The following TSHZ1 variants were observed in gnomAD, a reference collection of about 807,000 sequenced individuals.
TSHZ1 encodes teashirt zinc finger homeobox 1.
In TSHZ1, 12 loss-of-function variants were observed where a neutral mutation model predicts 67.1. That is an observed-to-expected ratio of 0.18 (90% CI 0.11 to 0.29). The LOEUF (loss-of-function observed/expected upper bound fraction) is 0.29, where lower values mean the gene tolerates loss of function less well. TSHZ1 is among the 10% of genes least tolerant of loss of function. TSHZ1 has a pLI of 1.00. For missense variants in TSHZ1, 1,305 were observed against 1,413.9 expected (o/e 0.92, Z 1.23); for synonymous variants, 632 against 622.4 (o/e 1.02, Z -0.23).
rs143712115 is a variant in TSHZ1, at chr18:75,286,688, G to A, written c.1281G>A (p.Thr427=). The A allele has an allele frequency of 6.0e-5, 97 of 1,613,952 alleles. No individual in the cohort carries two copies. Among genetic ancestry groups the A allele is most frequent in the Middle Eastern group, 1.6e-4 (1 of 6,084 alleles). The change falls in exon 2 of 2, where the codon ACG becomes ACA. Residue 427 remains threonine (T), a synonymous_variant. Transcript: ENST00000580243. The surrounding 1 kb of genome is among the most constrained non-coding windows in gnomAD (Gnocchi z 5.1). ...KCMECGSSHD[T]LQQLTAHMMV... ...TGGAGTGTGGCAGCTCCCACGACAC[G>A]CTGCAGCAGCTCACCGCCCACATGA...
At chr18:75,222,902 C>G (rs892423053) in intron 1 of TSHZ1, among the ~76,000 whole-genome samples, 1 of 152,142 alleles carries the variant, frequency 6.6e-6, no homozygotes, top group African/African-American at 2.4e-5. Context: ...CTGGCCTATT[C>G]CCAAAGGGTC....
Position 75,286,868 on chromosome 18 carries a change from C to A in TSHZ1, c.1461C>A (p.Pro487=), listed in dbSNP as rs750456976. 1.2e-6 allele frequency: 2 copies of A among 1,614,080 alleles called. No homozygotes were observed. The highest frequency in any genetic ancestry group is 1.7e-6 in the Non-Finnish European group (2 of 1,180,034). The change falls in exon 2 of 2, where the codon CCC becomes CCA. Residue 487 remains proline (P), a synonymous_variant. Transcript: ENST00000580243. The surrounding 1 kb of genome is among the most constrained non-coding windows in gnomAD (Gnocchi z 5.1). ...RLPASSIKKQ[P]DSPAGSTTSE... ...CGGCCTCCAGCATCAAAAAGCAGCC[C>A]GACTCTCCCGCGGGGTCCACGACTT... is the stretch of plus-strand genomic sequence containing the variant.
chr18:75,286,187 A>C lies in TSHZ1; in HGVS notation c.780A>C (p.Glu260Asp). The change falls in exon 2 of 2, where the codon GAA becomes GAC. Residue 260 changes from glutamate to aspartate, a missense_variant. Glu to Asp is a conservative substitution (Grantham distance 45, BLOSUM62 2). Around this residue, in one of 3 missense-constraint regions of TSHZ1, gnomAD observed 358 missense variants for 375.6 expected, o/e 0.95. Coordinates refer to ENST00000580243, the MANE Select transcript of TSHZ1 (RefSeq NM_001308210.2). The surrounding 1 kb of genome is among the most constrained non-coding windows in gnomAD (Gnocchi z 5.1). ...DCSAAYDTLV[E>D]LTVHMNETGH... ...GTGCCGCGTACGACACGCTGGTGGA[A>C]CTGACGGTGCACATGAACGAGACAG... 5 of 1,614,110 alleles carry C rather than the reference A, an allele frequency of 3.1e-6. No homozygotes were observed. Among genetic ancestry groups the C allele is most frequent in the Admixed American group, 3.3e-5 (2 of 60,026 alleles).
At chr18:75,238,288 C>G (rs187478334) in intron 1 of TSHZ1, among the ~76,000 whole-genome samples, 181 of 152,346 alleles carry the variant, frequency 1.2e-3, no homozygotes, top group African/African-American at 4.1e-3. Context: ...CACCCTCTAA[C>G]TGCCACGGGC....
intron 1 of TSHZ1, among the ~76,000 whole-genome samples, chr18:75,212,337 A>G (rs73971562): frequency 0.022 from 3,309 of 152,150 alleles, 104 homozygotes; most frequent in African/African-American, 0.073. Context: ...CTGGGACGCA[A>G]AGAATGTGTT....
chr18:75,268,684 C>T (rs991103696), intron 1 of TSHZ1, among the ~76,000 whole-genome samples: 8 of 152,188 alleles, frequency 5.3e-5, no homozygotes, highest in Non-Finnish European at 8.8e-5. Flanking sequence ...AAAAAATCAG[C>T]GAGCAAACCA....
chr18:75,251,355 G>GTT lies in TSHZ1; in HGVS notation c.41-34084_41-34083dup, dbSNP rs907801984. Among the ~76,000 whole-genome samples the GTT allele has an allele frequency of 1.5e-4, 22 of 150,334 alleles. 1 individual carries two copies. The highest frequency in any genetic ancestry group is 5.4e-4 in the African/African-American group (22 of 41,006). ...TTCTTTCAGGGTCTTTTTCTTTCTT[G>GTT]TTTTTTTTTTGCTCTACAGATATTT... On this transcript the variant is annotated intron_variant, in intron 1 of 1. Transcript: ENST00000580243.
intron 1 of TSHZ1, among the ~76,000 whole-genome samples, chr18:75,227,210 C>T (rs550325465): frequency 7.0e-4 from 106 of 151,964 alleles, no homozygotes; most frequent in African/African-American, 2.3e-3. Flanking sequence ...CCCACTCCTG[C>T]GGCAGAAGTT....
At chr18:75,263,870 C>T (rs1050416695) in intron 1 of TSHZ1, among the ~76,000 whole-genome samples, 1 of 152,192 alleles carries the variant, frequency 6.6e-6, no homozygotes, top group African/African-American at 2.4e-5. Context: ...AGGAAAGAAG[C>T]AACTGTTGAT....
chr18:75,267,003 G>A (rs540626896), intron 1 of TSHZ1, among the ~76,000 whole-genome samples: 9 of 152,222 alleles, frequency 5.9e-5, no homozygotes, highest in African/African-American at 1.9e-4. Flanking sequence ...ACAATTAAGA[G>A]CATTTTCAAA....
intron 1 of TSHZ1, among the ~76,000 whole-genome samples, chr18:75,223,000 G>T (rs187633489): frequency 5.3e-4 from 81 of 152,302 alleles, no homozygotes; most frequent in African/African-American, 1.9e-3. Flanking sequence ...CCGTTCATTT[G>T]TTCTGTAGAG....
At position 75,287,619 on chromosome 18, in the gene TSHZ1, C is replaced by T. The variant is rs754700199; in HGVS notation, c.2212C>T (p.Pro738Ser). 3.5e-5 allele frequency: 56 copies of T among 1,614,058 alleles called. No individual in the cohort carries two copies. In the South Asian group the frequency reaches 5.9e-4, roughly 17 times the overall value. ...NNLGIIMDHS[P>S]EPSFINPLSA... ...CCTGGGGATCATCATGGACCACTCA[C>T]CGGAGCCTTCCTTCATCAACCCGCT... The change falls in exon 2 of 2, where the codon CCG becomes TCG. Residue 738 changes from proline (P) to serine (S), a missense_variant. By Grantham distance (74) the Pro-to-Ser change is moderately conservative. Around this residue, in one of 3 missense-constraint regions of TSHZ1, gnomAD observed 909 missense variants for 961.8 expected, o/e 0.95. Coordinates refer to ENST00000580243, the MANE Select transcript of TSHZ1 (RefSeq NM_001308210.2). This position sits in a 1 kb window ranked among gnomAD's most constrained non-coding sequence, Gnocchi z 5.0.
Position 75,281,318 on chromosome 18 carries a change from C to T in TSHZ1, c.41-4130C>T, listed in dbSNP as rs367597018. ...ACTCTCGTTTGGGGTTATTCGGTAACGTCTGAATCTGGAGATTCAGAAGGA... is the reference window on the plus strand; with the variant it reads ...ACTCTCGTTTGGGGTTATTCGGTAATGTCTGAATCTGGAGATTCAGAAGGA... On this transcript the variant is annotated intron_variant, in intron 1 of 1. Coordinates refer to ENST00000580243, the MANE Select transcript of TSHZ1 (RefSeq NM_001308210.2). The surrounding 1 kb of genome is among the most constrained non-coding windows in gnomAD (Gnocchi z 5.3). 2.0e-5 allele frequency among the ~76,000 whole-genome samples: 3 copies of T among 152,264 alleles called. No homozygotes were observed. The highest frequency in any genetic ancestry group is 1.9e-4 in the East Asian group (1 of 5,170).
chr18:75,225,742 G>A (rs1370545179), intron 1 of TSHZ1, among the ~76,000 whole-genome samples: 2 of 152,210 alleles, frequency 1.3e-5, no homozygotes, highest in South Asian at 2.1e-4. Context: ...ACTATATCTC[G>A]GTGGCGGGTT....
chr18:75,216,123 AGGG>A (rs1188854671), intron 1 of TSHZ1, among the ~76,000 whole-genome samples: 1 of 152,196 alleles, frequency 6.6e-6, no homozygotes, highest in Admixed American at 6.5e-5. Context: ...TTATTCATAC[AGGG>A]GGATGAAAAT....
At chr18:75,258,166 C>T (rs113069549) in intron 1 of TSHZ1, among the ~76,000 whole-genome samples, 38 of 152,308 alleles carry the variant, frequency 2.5e-4, no homozygotes, top group African/African-American at 8.9e-4. Flanking sequence ...TACAGGGACC[C>T]TTCCTCTGTG....
In TSHZ1 at chr18:75,286,790, G is replaced by A. The variant is rs1260864097; in HGVS notation, c.1383G>A (p.Val461=). 1.2e-6 allele frequency: 2 copies of A among 1,613,546 alleles called. No homozygotes were observed. The highest frequency in any genetic ancestry group is 8.5e-7 in the Non-Finnish European group (1 of 1,180,030). The change falls in exon 2 of 2, where the codon GTG becomes GTA. Residue 461 remains valine, a synonymous_variant. Coordinates refer to ENST00000580243, the MANE Select transcript of TSHZ1 (RefSeq NM_001308210.2). This position sits in a 1 kb window ranked among gnomAD's most constrained non-coding sequence, Gnocchi z 5.1. The part of the protein sequence containing the change: ...KGKQLVLDPV[V]EEKIQSIPLP... ...AGCAGTTGGTGCTGGACCCTGTGGT[G>A]GAAGAGAAGATCCAGTCCATCCCAC... is the stretch of plus-strand genomic sequence containing the variant.
rs150517197 is a variant in TSHZ1 at position 75,287,956 on chromosome 18, G to A, written c.2549G>A (p.Arg850His). Residue 850 changes from arginine to histidine, a missense_variant, in exon 2 of 2, where the codon CGC (arginine) becomes CAC (histidine). Coordinates refer to ENST00000580243, the MANE Select transcript of TSHZ1 (RefSeq NM_001308210.2). The surrounding 1 kb of genome is among the most constrained non-coding windows in gnomAD (Gnocchi z 5.0). ...ISDMVKNLTGRLTPKSSTPST... is the reference protein window; with the variant it reads ...ISDMVKNLTGHLTPKSSTPST... Reference sequence around the variant, plus strand: ...GACATGGTGAAAAACCTCACAGGCCGCCTGACGCCCAAGTCCTCCACGCCC... The same window carrying A: ...GACATGGTGAAAAACCTCACAGGCCACCTGACGCCCAAGTCCTCCACGCCC... 298 of 1,614,074 alleles carry A rather than the reference G, an allele frequency of 1.8e-4. No individual in the cohort carries two copies. The highest frequency in any genetic ancestry group is 7.3e-4 in the Admixed American group (44 of 60,002).
At chr18:75,232,537 G>A (rs1212619198) in intron 1 of TSHZ1, among the ~76,000 whole-genome samples, 2 of 152,156 alleles carry the variant, frequency 1.3e-5, no homozygotes, top group African/African-American at 2.4e-5. Context: ...TATTTATTTA[G>A]TAGGTATTTC....
Sources: allele counts gnomAD v4.1 joint callset (sites outside exome capture counted in the v4.1 genomes callset), GRCh38; gene constraint gnomAD v4.1.1; regional missense constraint gnomAD v4.1.1; non-coding constraint Gnocchi (gnomAD v3.1); transcripts MANE v1.5; gene names NCBI Gene and HGNC (gene_info 2026-07-23, HGNC 2026-07-21).